UBE2E2: variants seen among roughly 807,000 people sequenced by gnomAD.
The protein encoded by UBE2E2 is ubiquitin conjugating enzyme E2 E2, also known as ubiquitin-conjugating enzyme E2 E2.
Under a neutral mutation model 24.7 loss-of-function variants are expected in UBE2E2, and 6 were observed. The ratio of observed to expected loss-of-function variants is 0.24; its 90% CI spans 0.13 to 0.48. UBE2E2 has a LOEUF of 0.48. UBE2E2 is among the 20% of genes least tolerant of loss of function. The probability of loss-of-function intolerance (pLI) is 0.99; values close to 1 mark genes in which losing one functional copy is unlikely to be tolerated. For missense variants in UBE2E2, 169 were observed against 245.0 expected (o/e 0.69, Z 2.07); for synonymous variants, 104 against 83.6 (o/e 1.24, Z -1.33).
intron 3 of UBE2E2, among the ~76,000 whole-genome samples, chr3:23,238,210 C>G (rs1471488634): frequency 1.3e-5 from 2 of 152,234 alleles, no homozygotes; most frequent in South Asian, 2.1e-4. Context: ...GATAATTCAT[C>G]TAGTAGTCTT....
At chr3:23,568,380 ATTT>A (rs1696126981) in intron 5 of UBE2E2, among the ~76,000 whole-genome samples, 1 of 151,954 alleles carries the variant, frequency 6.6e-6, no homozygotes, top group Non-Finnish European at 1.5e-5. Context: ...TGGAATAAAA[ATTT>A]TTTTGAACAA....
intron 3 of UBE2E2, among the ~76,000 whole-genome samples, chr3:23,245,080 C>T (rs571558599): frequency 5.3e-5 from 8 of 152,016 alleles, no homozygotes; most frequent in Non-Finnish European, 7.4e-5. Context: ...GGGCTTATTA[C>T]GGTCTAGTAA....
chr3:23,396,434 G>A (rs745771930), intron 3 of UBE2E2, among the ~76,000 whole-genome samples: 7 of 150,086 alleles, frequency 4.7e-5, no homozygotes, highest in African/African-American at 1.5e-4. Flanking sequence ...TGTATACGTC[G>A]TATACATACA....
chr3:23,510,690 C>T (rs943140442), intron 4 of UBE2E2, among the ~76,000 whole-genome samples: 2 of 152,034 alleles, frequency 1.3e-5, no homozygotes, highest in Non-Finnish European at 2.9e-5. Context: ...CTATTCTAAA[C>T]CATCAGGTGA....
chr3:23,363,895 A>G (rs1199577423), intron 3 of UBE2E2, among the ~76,000 whole-genome samples: 2 of 152,182 alleles, frequency 1.3e-5, no homozygotes, highest in East Asian at 1.9e-4. Context: ...ACAATTGGCC[A>G]TAAGACGATT....
chr3:23,476,631 T>C (rs981327106), intron 3 of UBE2E2, among the ~76,000 whole-genome samples: 1 of 152,084 alleles, frequency 6.6e-6, no homozygotes, highest in Non-Finnish European at 1.5e-5. Flanking sequence ...AAGGCTGCAG[T>C]GAGCTGTGAT....
chr3:23,294,658 T>C (rs1180687476), intron 3 of UBE2E2, among the ~76,000 whole-genome samples: 4 of 146,788 alleles, frequency 2.7e-5, no homozygotes, highest in Non-Finnish European at 6.0e-5. Context: ...ATTTTATTTA[T>C]TATTTTAAAT....
At chr3:23,539,415 T>C (rs1371901683) in intron 5 of UBE2E2, among the ~76,000 whole-genome samples, 1 of 152,230 alleles carries the variant, frequency 6.6e-6, no homozygotes, top group African/African-American at 2.4e-5. Flanking sequence ...TGCTAACATA[T>C]GGGATACCTT....
At chr3:23,256,945 A>G (rs943476534) in intron 3 of UBE2E2, among the ~76,000 whole-genome samples, 1 of 152,214 alleles carries the variant, frequency 6.6e-6, no homozygotes, top group African/African-American at 2.4e-5. Flanking sequence ...GTTTTGATGG[A>G]ACACCAGGCA....
At chr3:23,483,386 A>G (rs1254150344) in intron 3 of UBE2E2, among the ~76,000 whole-genome samples, 1 of 152,220 alleles carries the variant, frequency 6.6e-6, no homozygotes, top group African/African-American at 2.4e-5. Flanking sequence ...ACTACATTTG[A>G]CACTGCATGT....
intron 5 of UBE2E2, among the ~76,000 whole-genome samples, chr3:23,565,221 T>C (rs1400252300): frequency 6.6e-6 from 1 of 152,096 alleles, no homozygotes; most frequent in Non-Finnish European, 1.5e-5. Flanking sequence ...CACATTATGA[T>C]GTGAGTCAAG....
chr3:23,435,881 G>A (rs181834094), intron 3 of UBE2E2, among the ~76,000 whole-genome samples: 132 of 152,276 alleles, frequency 8.7e-4, no homozygotes, highest in African/African-American at 2.9e-3. Context: ...TGGTTTTGTG[G>A]AAGACAGTTA....
At chr3:23,216,440 C>G (rs1396777396) in intron 2 of UBE2E2, among the ~76,000 whole-genome samples, 1 of 152,118 alleles carries the variant, frequency 6.6e-6, no homozygotes, top group East Asian at 1.9e-4. Context: ...AGGCATCCAG[C>G]TATTAATAAC....
chr3:23,230,506 T>G (rs1400700797), intron 3 of UBE2E2, among the ~76,000 whole-genome samples: 2 of 152,140 alleles, frequency 1.3e-5, no homozygotes, highest in Non-Finnish European at 2.9e-5. Context: ...AAGAGTTGGC[T>G]GGGCGCAGGG....
chr3:23,499,659 ACC>A lies in UBE2E2; in HGVS notation c.283_284del (p.Pro95ArgfsTer5). The A allele has an allele frequency of 6.2e-7, 1 of 1,613,854 alleles. No individual in the cohort carries two copies. Among genetic ancestry groups the A allele is most frequent in the Non-Finnish European group, 8.5e-7 (1 of 1,179,882 alleles). On this transcript the variant is annotated frameshift_variant, in exon 4 of 6. Coordinates refer to ENST00000396703, the MANE Select transcript of UBE2E2 (RefSeq NM_152653.4). LOFTEE classifies it high-confidence loss of function. ...IYEWRSTILG[P>X]PGSVYEGGVF... ...ATGAATGGAGGTCAACTATATTGGG[ACC>A]CCCAGGATCTGTCTATGAAGGAGGG...
chr3:23,410,770 A>G (rs1207079976), intron 3 of UBE2E2, among the ~76,000 whole-genome samples: 14 of 152,210 alleles, frequency 9.2e-5, no homozygotes, highest in Admixed American at 8.5e-4. Context: ...CAAGACATTT[A>G]TAACTGAATG....
intron 3 of UBE2E2, among the ~76,000 whole-genome samples, chr3:23,304,238 C>A (rs915198078): frequency 1.3e-5 from 2 of 152,074 alleles, no homozygotes; most frequent in Non-Finnish European, 2.9e-5. Context: ...TAAATATTTT[C>A]AAATAAAGAT....
chr3:23,390,171 A>G (rs890226582), intron 3 of UBE2E2, among the ~76,000 whole-genome samples: 1 of 152,078 alleles, frequency 6.6e-6, no homozygotes, highest in Admixed American at 6.5e-5. Context: ...TTCCCCAGCA[A>G]AGGCCCCACC....
chr3:23,473,680 C>T (rs1242533821), intron 3 of UBE2E2, among the ~76,000 whole-genome samples: 1 of 152,036 alleles, frequency 6.6e-6, no homozygotes, highest in Admixed American at 6.6e-5. Context: ...TGAGAACATA[C>T]GATGTTTGGT....
Sources: allele counts gnomAD v4.1 joint callset (sites outside exome capture counted in the v4.1 genomes callset), GRCh38; gene constraint gnomAD v4.1.1; transcripts MANE v1.5; gene names NCBI Gene and HGNC (gene_info 2026-07-23, HGNC 2026-07-21).